MACROD2: variants seen among roughly 807,000 people sequenced by gnomAD.
The protein encoded by MACROD2 is ADP-ribose glycohydrolase MACROD2.
In MACROD2, 36 loss-of-function variants were observed where a neutral mutation model predicts 70.4. That is an observed-to-expected ratio of 0.51 (90% CI 0.39 to 0.68). MACROD2 has a LOEUF of 0.68. MACROD2 is among the 30% of genes least tolerant of loss of function. MACROD2 has a pLI of 0.00. For missense variants in MACROD2, 496 were observed against 538.4 expected (o/e 0.92, Z 0.78); for synonymous variants, 172 against 178.8 (o/e 0.96, Z 0.30).
chr20:15,854,039 A>G (rs2098154), intron 8 of MACROD2, among the ~76,000 whole-genome samples: 4,664 of 152,236 alleles, frequency 0.031, 143 homozygotes, highest in East Asian at 0.13. Context: ...CAAGATGCCA[A>G]TATGATCGCC....
At chr20:15,523,268 G>A (rs769287534) in intron 8 of MACROD2, among the ~76,000 whole-genome samples, 1 of 152,200 alleles carries the variant, frequency 6.6e-6, no homozygotes, top group African/African-American at 2.4e-5. Context: ...CACTTGAGTC[G>A]TGGCAGATAA....
chr20:16,022,364 T>A (rs2067015531), intron 15 of MACROD2, among the ~76,000 whole-genome samples: 1 of 152,142 alleles, frequency 6.6e-6, no homozygotes, highest in East Asian at 1.9e-4. Flanking sequence ...GTTTCTTTTT[T>A]AATTTTAGCT....
intron 3 of MACROD2, among the ~76,000 whole-genome samples, chr20:14,099,897 G>C (rs141437000): frequency 1.3e-5 from 2 of 152,164 alleles, no homozygotes; most frequent in East Asian, 3.9e-4. Context: ...GATATACCAT[G>C]ATAAATCAAA....
chr20:15,029,740 C>G (rs1291167588), intron 5 of MACROD2, among the ~76,000 whole-genome samples: 3 of 152,128 alleles, frequency 2.0e-5, no homozygotes. Flanking sequence ...GAAACAATAT[C>G]AGGAAAAGAG....
intron 8 of MACROD2, among the ~76,000 whole-genome samples, chr20:15,832,884 A>C (rs2064072486): frequency 6.6e-6 from 1 of 152,228 alleles, no homozygotes; most frequent in Non-Finnish European, 1.5e-5. Flanking sequence ...AGGCTCTTAT[A>C]ATTGCAAAAC....
intron 10 of MACROD2, among the ~76,000 whole-genome samples, chr20:15,888,280 C>A (rs1209872104): frequency 6.6e-6 from 1 of 151,918 alleles, no homozygotes; most frequent in Non-Finnish European, 1.5e-5. Context: ...TAAAAAGAAC[C>A]ATATGTTTAA....
intron 5 of MACROD2, among the ~76,000 whole-genome samples, chr20:15,052,690 G>C (rs1314422694): frequency 6.6e-6 from 1 of 152,064 alleles, no homozygotes; most frequent in Non-Finnish European, 1.5e-5. Context: ...TATTGAAACC[G>C]AGCCAGTTAA....
At chr20:15,140,275 T>C (rs1383270125) in intron 5 of MACROD2, among the ~76,000 whole-genome samples, 1 of 152,166 alleles carries the variant, frequency 6.6e-6, no homozygotes, top group African/African-American at 2.4e-5. Context: ...GAGTTCGTTA[T>C]GATGGAAGAA....
chr20:15,969,548 G>A (rs1486471679), intron 13 of MACROD2, among the ~76,000 whole-genome samples: 1 of 152,068 alleles, frequency 6.6e-6, no homozygotes, highest in Non-Finnish European at 1.5e-5. Flanking sequence ...CTGAAATTAA[G>A]AATTCAATGA....
At chr20:14,336,972 T>C (rs553860136) in intron 3 of MACROD2, among the ~76,000 whole-genome samples, 3 of 152,328 alleles carry the variant, frequency 2.0e-5, no homozygotes, top group African/African-American at 7.2e-5. Context: ...TACTGCGTAC[T>C]CATGGGCTGA....
intron 8 of MACROD2, among the ~76,000 whole-genome samples, chr20:15,573,181 A>T (rs2048398401): frequency 6.6e-6 from 1 of 152,156 alleles, no homozygotes; most frequent in African/African-American, 2.4e-5. Context: ...CTAAGCCATA[A>T]ACTATGGTGT....
intron 5 of MACROD2, among the ~76,000 whole-genome samples, chr20:15,083,487 C>G (rs567610839): frequency 1.3e-5 from 2 of 152,250 alleles, no homozygotes; most frequent in East Asian, 3.9e-4. Context: ...ACAACTTGCC[C>G]CTGGCAAGTC....
At chr20:14,285,396 T>C (rs1421286811) in intron 3 of MACROD2, among the ~76,000 whole-genome samples, 3 of 152,188 alleles carry the variant, frequency 2.0e-5, no homozygotes, top group Non-Finnish European at 4.4e-5. Flanking sequence ...TGATGTCATG[T>C]TGGTCACAAC....
intron 8 of MACROD2, among the ~76,000 whole-genome samples, chr20:15,626,863 C>G (rs544891411): frequency 6.6e-6 from 1 of 151,274 alleles, no homozygotes; most frequent in South Asian, 2.1e-4. Flanking sequence ...CCCCACCCCC[C>G]CAAAAAAAAA....
chr20:14,726,896 T>C (rs1568761359), intron 5 of MACROD2, among the ~76,000 whole-genome samples: 1 of 152,182 alleles, frequency 6.6e-6, no homozygotes, highest in Non-Finnish European at 1.5e-5. Flanking sequence ...TTTACTACTT[T>C]TTCCATAAAT....
intron 5 of MACROD2, among the ~76,000 whole-genome samples, chr20:15,029,876 G>A (rs2075261138): frequency 1.3e-5 from 2 of 151,998 alleles, no homozygotes; most frequent in South Asian, 4.2e-4. Flanking sequence ...CAGATTACGA[G>A]GTCAGGATAT....
At chr20:15,957,753 TG>T (rs752021687) in intron 12 of MACROD2, among the ~76,000 whole-genome samples, 2 of 152,194 alleles carry the variant, frequency 1.3e-5, no homozygotes, top group Non-Finnish European at 2.9e-5. Context: ...TGGCCTTATC[TG>T]GCCCCCTTAT....
chr20:15,788,873 C>T (rs751157242), intron 8 of MACROD2, among the ~76,000 whole-genome samples: 1 of 152,086 alleles, frequency 6.6e-6, no homozygotes, highest in Non-Finnish European at 1.5e-5. Flanking sequence ...TCATATTTAC[C>T]AACATTGTTT....
chr20:14,655,912 T>G (rs1018505100), intron 4 of MACROD2, among the ~76,000 whole-genome samples: 4 of 152,202 alleles, frequency 2.6e-5, no homozygotes, highest in African/African-American at 9.6e-5. Context: ...TTTTCTGAGA[T>G]GCCATTTGTC....
Sources: gnomAD v4.1 joint callset for allele counts (sites outside exome capture counted in the v4.1 genomes callset) on GRCh38, gnomAD v4.1.1 for gene constraint, MANE v1.5 for transcripts, NCBI Gene and HGNC (gene_info 2026-07-23, HGNC 2026-07-21) for gene names.